IMMP2L: variants seen among roughly 807,000 people sequenced by gnomAD.
IMMP2L encodes the protein mitochondrial inner membrane protease subunit 2.
A neutral mutation model predicts 19.3 loss-of-function variants in IMMP2L; 18 were observed. That is an observed-to-expected ratio of 0.93 (90% CI 0.64 to 1.38). IMMP2L has a LOEUF of 1.38. Among genes scored for constraint, IMMP2L ranks in the 40% most tolerant of loss-of-function variants. The probability of loss-of-function intolerance (pLI) is 0.00; values close to 1 mark genes in which losing one functional copy is unlikely to be tolerated. For missense variants in IMMP2L, 233 were observed against 218.2 expected (o/e 1.07, Z -0.43); for synonymous variants, 76 against 73.0 (o/e 1.04, Z -0.21).
chr7:110,770,473 A>G (rs1406219580), intron 5 of IMMP2L, among the ~76,000 whole-genome samples: 1 of 152,214 alleles, frequency 6.6e-6, no homozygotes, highest in African/African-American at 2.4e-5. Flanking sequence ...ATTAAAATTA[A>G]CAGTGAAATG....
chr7:111,292,834 C>T (rs1390062359), intron 3 of IMMP2L, among the ~76,000 whole-genome samples: 2 of 151,942 alleles, frequency 1.3e-5, no homozygotes, highest in Admixed American at 1.3e-4. Context: ...GATACGTGCT[C>T]TGCATAATAC....
intron 5 of IMMP2L, among the ~76,000 whole-genome samples, chr7:110,762,575 A>G (rs1798415269): frequency 1.3e-5 from 2 of 152,264 alleles, no homozygotes; most frequent in African/African-American, 4.8e-5. Flanking sequence ...ACTCTTTTGT[A>G]TCCTTCTTGA....
At chr7:111,148,057 A>T (rs1262905821) in intron 3 of IMMP2L, among the ~76,000 whole-genome samples, 3 of 152,100 alleles carry the variant, frequency 2.0e-5, no homozygotes, top group Non-Finnish European at 4.4e-5. Flanking sequence ...CCTCTACACC[A>T]GTGTTCATAG....
chr7:111,415,060 T>C (rs1021984282), intron 3 of IMMP2L, among the ~76,000 whole-genome samples: 3 of 151,838 alleles, frequency 2.0e-5, no homozygotes, highest in East Asian at 1.9e-4. Context: ...GTCTTCGAGT[T>C]TGTCAAAACA....
chr7:110,883,665 T>C (rs1451845599), intron 5 of IMMP2L, among the ~76,000 whole-genome samples: 1 of 152,170 alleles, frequency 6.6e-6, no homozygotes, highest in Non-Finnish European at 1.5e-5. Context: ...AGGTTATGTT[T>C]GCCTTGAAAT....
intron 5 of IMMP2L, among the ~76,000 whole-genome samples, chr7:110,840,219 G>T (rs573156861): frequency 2.0e-5 from 3 of 152,026 alleles, no homozygotes; most frequent in Non-Finnish European, 4.4e-5. Flanking sequence ...ACATAGGAGC[G>T]GTAATAGCTC....
At chr7:111,338,747 G>C (rs1166157289) in intron 3 of IMMP2L, among the ~76,000 whole-genome samples, 1 of 151,998 alleles carries the variant, frequency 6.6e-6, no homozygotes, top group East Asian at 1.9e-4. Context: ...AGAAATCTAG[G>C]TTTGTAATTT....
chr7:110,682,301 C>T (rs1792777159), intron 5 of IMMP2L, among the ~76,000 whole-genome samples: 2 of 152,148 alleles, frequency 1.3e-5, no homozygotes, highest in Admixed American at 1.3e-4. Context: ...CTTCCATGAC[C>T]TCTTCCCAGT....
intron 3 of IMMP2L, among the ~76,000 whole-genome samples, chr7:110,992,168 T>C (rs1451423438): frequency 6.6e-6 from 1 of 152,180 alleles, no homozygotes; most frequent in Non-Finnish European, 1.5e-5. Flanking sequence ...AATCTTGTAG[T>C]GCTCTACATT....
At chr7:111,547,683 G>C (rs1442870363) in intron 1 of IMMP2L, among the ~76,000 whole-genome samples, 1 of 151,216 alleles carries the variant, frequency 6.6e-6, no homozygotes, top group African/African-American at 2.4e-5. Flanking sequence ...AGCCTCCTGA[G>C]TAGCTGGGAC....
chr7:111,025,517 G>A (rs533536640), intron 3 of IMMP2L, among the ~76,000 whole-genome samples: 53 of 152,222 alleles, frequency 3.5e-4, no homozygotes, highest in African/African-American at 1.2e-3. Flanking sequence ...AACAGGTTGC[G>A]CCTAAATGGT....
At chr7:111,410,378 GGA>G (rs1267246194) in intron 3 of IMMP2L, among the ~76,000 whole-genome samples, 9 of 151,744 alleles carry the variant, frequency 5.9e-5, no homozygotes, top group Admixed American at 1.3e-4. Flanking sequence ...AGGGTGGTGG[GGA>G]GAGAGACCAT....
At chr7:110,786,328 A>G (rs976635957) in intron 5 of IMMP2L, among the ~76,000 whole-genome samples, 2 of 151,998 alleles carry the variant, frequency 1.3e-5, no homozygotes, top group African/African-American at 2.4e-5. Flanking sequence ...CTAGAAAAAC[A>G]TAATTTGCAG....
At chr7:111,264,882 A>G (rs1228429529) in intron 3 of IMMP2L, among the ~76,000 whole-genome samples, 2 of 152,112 alleles carry the variant, frequency 1.3e-5, no homozygotes, top group Non-Finnish European at 2.9e-5. Context: ...TAGGGCAGGA[A>G]CCAATGGGAA....
intron 5 of IMMP2L, among the ~76,000 whole-genome samples, chr7:110,785,761 CAT>C (rs549068446): frequency 4.1e-4 from 62 of 151,990 alleles, no homozygotes; most frequent in African/African-American, 1.4e-3. Flanking sequence ...GCTATATCAT[CAT>C]ATAATTATTA....
At chr7:111,373,762 C>A (rs1043813258) in intron 3 of IMMP2L, among the ~76,000 whole-genome samples, 1 of 151,926 alleles carries the variant, frequency 6.6e-6, no homozygotes, top group African/African-American at 2.4e-5. Context: ...AAATTTATTT[C>A]TCCTGTGCTG....
At position 111,451,289 on chromosome 7, in the gene IMMP2L, A is replaced by G. The variant is rs1010159208; in HGVS notation, c.239+35949T>C. Among the ~76,000 whole-genome samples the G allele has an allele frequency of 4.8e-4, 73 of 150,638 alleles. 2 individuals carry two copies. The highest frequency in any genetic ancestry group is 1.7e-3 in the African/African-American group (67 of 40,390). On this transcript the variant is annotated intron_variant, in intron 3 of 5. Coordinates refer to ENST00000405709, the MANE Select transcript of IMMP2L (RefSeq NM_032549.4). ...TATGTTTATTGCGGCATTATTCACA[A>G]TAGCAAAGACTTGGAACCAACCCAA...
chr7:111,030,337 T>C (rs1388982241), intron 3 of IMMP2L, among the ~76,000 whole-genome samples: 1 of 152,222 alleles, frequency 6.6e-6, no homozygotes, highest in Admixed American at 6.5e-5. Context: ...AAAACTGTTT[T>C]CCTTTCATTG....
At chr7:110,795,337 G>C (rs894092462) in intron 5 of IMMP2L, among the ~76,000 whole-genome samples, 6 of 152,018 alleles carry the variant, frequency 3.9e-5, no homozygotes, top group Non-Finnish European at 7.4e-5. Context: ...ATGATTAAAA[G>C]TCTAAAGCAA....
Sources: allele counts gnomAD v4.1 joint callset (sites outside exome capture counted in the v4.1 genomes callset), GRCh38; gene constraint gnomAD v4.1.1; transcripts MANE v1.5; gene names NCBI Gene and HGNC (gene_info 2026-07-23, HGNC 2026-07-21).